AMPD1: variants seen among roughly 807,000 people sequenced by gnomAD.
The protein encoded by AMPD1 is AMP deaminase 1.
Under a neutral mutation model 82.9 loss-of-function variants are expected in AMPD1, and 74 were observed. The observed-to-expected ratio is 0.89, with a 90% CI of 0.74 to 1.08. The LOEUF is 1.08. Ranked by LOEUF, AMPD1 falls within the 50% of genes least tolerant of loss-of-function variation. The pLI is 0.00. For synonymous variants in AMPD1, 333 were observed against 320.5 expected, an observed-to-expected ratio of 1.04 and a Z score of -0.42; for missense variants, 881 against 924.5, an observed-to-expected ratio of 0.95 and a Z score of 0.61.
At position 114,674,805 on chromosome 1, in the gene AMPD1, T is replaced by A. The variant is rs1324199174; in HGVS notation, c.1747A>T (p.Met583Leu). Residue 583 changes from methionine (M) to leucine (L), a missense_variant, in exon 13 of 16, where the codon ATG (methionine) becomes TTG (leucine). Physicochemically the swap from Met to Leu is conservative, Grantham distance 15. Around this residue, in one of 2 missense-constraint regions of AMPD1, gnomAD observed 783 missense variants for 786.4 expected, o/e 1.00. Coordinates refer to ENST00000520113, the MANE Select transcript of AMPD1 (RefSeq NM_000036.3). Reference sequence around the variant, plus strand: ...TCATCTGCTATCATGAATGCTGTCATGAGATGGGTGAGGGCTCCAGCTTCT... The same window carrying A: ...TCATCTGCTATCATGAATGCTGTCAAGAGATGGGTGAGGGCTCCAGCTTCT... ...CGEAGALTHLMTAFMIADDIS... is the reference protein window; with the variant it reads ...CGEAGALTHLLTAFMIADDIS... 6.2e-7 allele frequency: 1 copy of A among 1,612,258 alleles called. No homozygotes were observed. The highest frequency in any genetic ancestry group is 1.7e-5 in the Admixed American group (1 of 60,014).
At chr1:114,675,806 G>C (rs1171922981) in intron 11 of AMPD1, 71 bp downstream of exon 11, 20 of 1,613,314 alleles carry the variant, frequency 1.2e-5, no homozygotes, top group Non-Finnish European at 1.4e-5. Flanking sequence ...TAAGCACCAA[G>C]AATTAGTCAT....
intron 12 of AMPD1, among the ~76,000 whole-genome samples, chr1:114,675,146 T>C (rs1006568899): frequency 6.6e-6 from 1 of 152,194 alleles, no homozygotes; most frequent in Non-Finnish European, 1.5e-5. Context: ...CAACATCTCA[T>C]CATTTATTCT....
intron 4 of AMPD1, chr1:114,684,588 C>G: frequency 1.7e-6 from 1 of 593,124 alleles, no homozygotes; most frequent in Non-Finnish European, 3.0e-6. Flanking sequence ...ACTTACCTGT[C>G]CTACTAGTCT....
chr1:114,680,407 G>A lies in AMPD1; in HGVS notation c.619C>T (p.His207Tyr), dbSNP rs1270841231. The A allele has an allele frequency of 6.2e-7, 1 of 1,614,174 alleles. No homozygotes were observed. Among genetic ancestry groups the A allele is most frequent in the Non-Finnish European group, 8.5e-7 (1 of 1,180,040 alleles). Residue 207 changes from histidine to tyrosine, a missense_variant, in exon 6 of 16, where the codon CAC becomes TAC. By Grantham distance (83) the His-to-Tyr change is moderately conservative. This residue lies in a region of AMPD1 where 783 missense variants were observed against 786.4 expected (regional missense o/e 1.00). Transcript: ENST00000520113. Reference protein sequence around the residue: ...TDNLPENLGYHLKMKDGVVYV... With the variant: ...TDNLPENLGYYLKMKDGVVYV... ...ACTACACCGTCCTTCATTTTGAGGT[G>A]ATAGCCCAGGTTTTCAGGAAGGTTG...
chr1:114,673,184 A>G lies in AMPD1; in HGVS notation c.2174T>C (p.Met725Thr), dbSNP rs1394637346. The G allele has an allele frequency of 1.2e-6, 2 of 1,614,170 alleles. No homozygotes were observed. Among genetic ancestry groups the G allele is most frequent in the Non-Finnish European group, 1.7e-6 (2 of 1,180,000 alleles). Residue 725 changes from methionine to threonine, a missense_variant, in exon 16 of 16, where the codon ATG becomes ACG. This residue lies in a region of AMPD1 where 98 missense variants were observed against 138.1 expected (regional missense o/e 0.71). Coordinates refer to ENST00000520113, the MANE Select transcript of AMPD1 (RefSeq NM_000036.3). ...IRRTNVAQIR[M>T]AYRYETWCYE... ...ACACCAGGTTTCATAGCGATAGGCC[A>G]TGCGGATTTGGGCTACATTTGTCCT...
Position 114,673,645 on chromosome 1 carries a change from A to G in AMPD1, c.2079T>C (p.Ser693=). ...ARNSVLQCGI[S]HEEKVKFLGD... is the part of the protein sequence containing the mutation. The stretch of plus-strand genomic sequence containing the variant: ...CATTTGAAGACAGGTCTACCTCATG[A>G]GAAATTCCACACTGCAAGACACTGT... The change falls in exon 15 of 16, where the codon TCT becomes TCC. Residue 693 remains serine (S), a synonymous_variant. Coordinates refer to ENST00000520113, the MANE Select transcript of AMPD1 (RefSeq NM_000036.3). 1.2e-6 allele frequency: 2 copies of G among 1,613,472 alleles called. No individual in the cohort carries two copies. The highest frequency in any genetic ancestry group is 1.7e-6 in the Non-Finnish European group (2 of 1,179,424).
chr1:114,673,823 G>A, intron 14 of AMPD1, 74 bp from the exon 15 acceptor site: 2 of 1,582,938 alleles, frequency 1.3e-6, no homozygotes, highest in Non-Finnish European at 1.7e-6. Flanking sequence ...AAAAAATAAT[G>A]AAATACCTTT....
chr1:114,680,719 C>T (rs1313950669), intron 5 of AMPD1, among the ~76,000 whole-genome samples: 1 of 152,160 alleles, frequency 6.6e-6, no homozygotes, highest in Admixed American at 6.5e-5. Context: ...GTAATCCCAG[C>T]ACTTTGGGAG....
At chr1:114,679,791 T>G in intron 6 of AMPD1, 83 bp from the exon 7 acceptor site, 3 of 1,479,198 alleles carry the variant, frequency 2.0e-6, no homozygotes, top group Non-Finnish European at 2.8e-6. Flanking sequence ...ATCAGGACCT[T>G]TATCATTCAT....
At chr1:114,685,899 A>T (rs1325983189) in intron 4 of AMPD1, among the ~76,000 whole-genome samples, 2 of 152,192 alleles carry the variant, frequency 1.3e-5, no homozygotes, top group Admixed American at 1.3e-4. Flanking sequence ...GTCACTTTTA[A>T]GTATCTTAGG....
chr1:114,674,231 T>C, intron 13 of AMPD1, 149 bp from the exon 14 acceptor site: 1 of 712,346 alleles, frequency 1.4e-6, no homozygotes, highest in Non-Finnish European at 2.3e-6. Context: ...AATTTAGGAG[T>C]TTTTCAATGT....
intron 2 of AMPD1, among the ~76,000 whole-genome samples, chr1:114,691,924 CAAAAATAAAAAT>C (rs1658527983): frequency 6.6e-6 from 1 of 151,544 alleles, no homozygotes; most frequent in African/African-American, 2.4e-5. Context: ...GACTCCGTCT[CAAAAATAAAAAT>C]AAAAATTAAA....
At chr1:114,673,610 G>A (rs1161842404) in intron 15 of AMPD1, 29 bp downstream of exon 15, 1 of 1,552,498 alleles carries the variant, frequency 6.4e-7, no homozygotes, top group African/African-American at 1.4e-5. Context: ...CCTATACTCA[G>A]AAGGGAAGCC....
chr1:114,695,454 G>A lies in AMPD1; in HGVS notation c.18C>T (p.Leu6=). ...CCAAACACTTTGTACACCTACCTGG[G>A]AGTTTGAACAGAGGCATTGTTGCTG... MPLFK[L]PAEEKQIDDA... is the part of the protein sequence containing the mutation. Residue 6 remains leucine (L), a synonymous_variant, in exon 1 of 16, where the codon CTC becomes CTT. Coordinates refer to ENST00000520113, the MANE Select transcript of AMPD1 (RefSeq NM_000036.3). 2 of 1,613,734 alleles carry A rather than the reference G, an allele frequency of 1.2e-6. No individual in the cohort carries two copies. Among genetic ancestry groups the A allele is most frequent in the Non-Finnish European group, 1.7e-6 (2 of 1,179,974 alleles).
At position 114,679,548 on chromosome 1, in the gene AMPD1, G is replaced by C. The variant is rs115883987; in HGVS notation, c.897+31C>G. On this transcript the variant is annotated intron_variant, in intron 7 of 15. Transcript: ENST00000520113. ...TAAATAATTGAATTGTTTTTGCCCA[G>C]GAATTACCCCTGAGCAACTAAAATG... 0.031 allele frequency: 50,041 copies of C among 1,612,558 alleles called. 977 individuals are homozygous for C. Among genetic ancestry groups the C allele is most frequent in the Non-Finnish European group, 0.033 (39,367 of 1,179,038 alleles).
At chr1:114,693,106 C>T (rs1658563769) in intron 2 of AMPD1, among the ~76,000 whole-genome samples, 1 of 145,012 alleles carries the variant, frequency 6.9e-6, no homozygotes, top group Non-Finnish European at 1.5e-5. Flanking sequence ...TCCTGGGTGA[C>T]CATCCATCTC....
intron 2 of AMPD1, among the ~76,000 whole-genome samples, chr1:114,692,110 T>C (rs1046685917): frequency 2.0e-5 from 3 of 152,168 alleles, no homozygotes; most frequent in African/African-American, 4.8e-5. Flanking sequence ...TTTAAAACTA[T>C]GCAGTACTGT....
chr1:114,673,506 T>C (rs1657891726), intron 15 of AMPD1, 133 bp downstream of exon 15: 2 of 887,996 alleles, frequency 2.3e-6, no homozygotes, highest in Non-Finnish European at 1.8e-6. Flanking sequence ...AATAATCCCT[T>C]CTAGTCCCTG....
chr1:114,676,666 G>C (rs566904161), intron 10 of AMPD1, among the ~76,000 whole-genome samples: 1 of 152,270 alleles, frequency 6.6e-6, no homozygotes, highest in East Asian at 1.9e-4. Flanking sequence ...CTGCCTATTA[G>C]GAAGTATTAT....
Sources: gnomAD v4.1 joint callset for allele counts (sites outside exome capture counted in the v4.1 genomes callset) on GRCh38, gnomAD v4.1.1 for gene constraint, gnomAD v4.1.1 regional missense constraint, MANE v1.5 for transcripts, NCBI Gene and HGNC (gene_info 2026-07-23, HGNC 2026-07-21) for gene names.